The following MTSS1 variants were observed in gnomAD, a reference collection of about 807,000 sequenced individuals.
MTSS1 encodes MTSS I-BAR domain containing 1.
MTSS1 carries 18 observed loss-of-function variants against 79.0 expected under a neutral mutation model. The ratio of observed to expected loss-of-function variants is 0.23; its 90% CI spans 0.16 to 0.34. The LOEUF (loss-of-function observed/expected upper bound fraction) is 0.34. Among genes scored for constraint, MTSS1 ranks in the 10% least tolerant of loss-of-function variants. The pLI is 1.00. For synonymous variants in MTSS1, 341 were observed against 368.6 expected (o/e 0.93, Z 0.86); for missense variants, 815 against 986.2 (o/e 0.83, Z 2.33).
At chr8:124,715,530 C>A (rs1352876682) in intron 1 of MTSS1, among the ~76,000 whole-genome samples, 1 of 152,100 alleles carries the variant, frequency 6.6e-6, no homozygotes, top group Non-Finnish European at 1.5e-5. Context: ...CCATCTTCCA[C>A]GAAGCAGATT....
At chr8:124,557,902 G>A (rs1824331481) in intron 10 of MTSS1, 27 bp from the exon 11 acceptor site, 4 of 1,514,290 alleles carry the variant, frequency 2.6e-6, no homozygotes, top group African/African-American at 2.8e-5. Flanking sequence ...AAAGGGGGGG[G>A]GAAGGAAAAA....
intron 10 of MTSS1, among the ~76,000 whole-genome samples, chr8:124,559,688 C>A (rs951696471): frequency 1.3e-5 from 2 of 152,198 alleles, no homozygotes; most frequent in Admixed American, 6.5e-5. Context: ...ACCCAAGTTT[C>A]TTCTAGTTCT....
chr8:124,572,732 T>TC (rs1422088569), intron 6 of MTSS1, among the ~76,000 whole-genome samples: 2 of 140,192 alleles, frequency 1.4e-5, no homozygotes, highest in African/African-American at 5.6e-5. Context: ...CTACTTTCTT[T>TC]CTTTTCTTTT....
chr8:124,656,664 A>G (rs111230104), intron 3 of MTSS1, among the ~76,000 whole-genome samples: 21,983 of 151,192 alleles, frequency 0.15, 2,516 homozygotes, highest in African/African-American at 0.32. Context: ...TGCAGTCCCA[A>G]CTACTCAGGA....
intron 6 of MTSS1, among the ~76,000 whole-genome samples, chr8:124,569,635 T>C (rs1300533296): frequency 2.6e-5 from 4 of 152,220 alleles, no homozygotes; most frequent in Non-Finnish European, 4.4e-5. Context: ...AGATACTTCC[T>C]AAACTTCTTC....
chr8:124,611,211 C>G (rs1835760748), intron 3 of MTSS1, among the ~76,000 whole-genome samples: 1 of 151,572 alleles, frequency 6.6e-6, no homozygotes, highest in Non-Finnish European at 1.5e-5. Context: ...GACAAATGCA[C>G]ATGGATTCTT....
At chr8:124,684,346 A>C (rs757884100) in intron 3 of MTSS1, among the ~76,000 whole-genome samples, 8 of 152,234 alleles carry the variant, frequency 5.3e-5, no homozygotes, top group Non-Finnish European at 7.3e-5. Flanking sequence ...TAAAGGCTCA[A>C]CTATGCCTAA....
chr8:124,568,424 T>C lies in MTSS1; in HGVS notation c.573A>G (p.Glu191=), dbSNP rs756279985. ...KQAVRKALIE[E]RGRFCTFISM... is the part of the protein sequence containing the mutation. ...AGATGAAGGTACAGAATCGGCCACGTTCTTCAATCAAAGCCTTCCGGACAG... is the reference window on the plus strand; with the variant it reads ...AGATGAAGGTACAGAATCGGCCACGCTCTTCAATCAAAGCCTTCCGGACAG... The change falls in exon 7 of 14, where the codon GAA becomes GAG. Residue 191 remains glutamate (E), a synonymous_variant. Coordinates refer to ENST00000518547, the MANE Select transcript of MTSS1 (RefSeq NM_014751.6). 1.2e-6 allele frequency: 2 copies of C among 1,614,198 alleles called. No homozygotes were observed. The highest frequency in any genetic ancestry group is 1.7e-6 in the Non-Finnish European group (2 of 1,180,028).
intron 3 of MTSS1, among the ~76,000 whole-genome samples, chr8:124,623,945 G>A (rs867221078): frequency 4.6e-5 from 7 of 152,196 alleles, no homozygotes; most frequent in Non-Finnish European, 8.8e-5. Flanking sequence ...TGCGGGGCCC[G>A]CGCTAAGCAC....
intron 3 of MTSS1, among the ~76,000 whole-genome samples, chr8:124,692,439 G>A (rs186056275): frequency 7.9e-5 from 12 of 152,236 alleles, no homozygotes; most frequent in African/African-American, 2.9e-4. Context: ...AGAGTTCTGG[G>A]CTTGAACACC....
At chr8:124,557,522 T>C (rs1054697564) in intron 11 of MTSS1, among the ~76,000 whole-genome samples, 159 bp downstream of exon 11, 3 of 151,932 alleles carry the variant, frequency 2.0e-5, no homozygotes, top group Admixed American at 6.6e-5. Flanking sequence ...TTTCTGCTTC[T>C]CCCCCAATGG....
intron 3 of MTSS1, among the ~76,000 whole-genome samples, chr8:124,631,574 C>T (rs1159230200): frequency 6.6e-6 from 1 of 152,212 alleles, no homozygotes; most frequent in African/African-American, 2.4e-5. Context: ...CCCTGCCCCT[C>T]ATCTCATCCT....
At chr8:124,667,511 G>T (rs376648119) in intron 3 of MTSS1, among the ~76,000 whole-genome samples, 2 of 152,124 alleles carry the variant, frequency 1.3e-5, no homozygotes, top group South Asian at 4.2e-4. Context: ...GGGCATGGTG[G>T]TGCATGCCTG....
intron 3 of MTSS1, among the ~76,000 whole-genome samples, chr8:124,614,517 C>A (rs942431827): frequency 1.3e-5 from 2 of 152,216 alleles, no homozygotes; most frequent in Non-Finnish European, 2.9e-5. Context: ...GCAGAGCCAC[C>A]AGCAAAGGCC....
chr8:124,668,564 CAAGGT>C, intron 3 of MTSS1, among the ~76,000 whole-genome samples: 1 of 152,164 alleles, frequency 6.6e-6, no homozygotes, highest in Non-Finnish European at 1.5e-5. Flanking sequence ...AACAGACCTA[CAAGGT>C]CAACTTAGCA....
intron 3 of MTSS1, among the ~76,000 whole-genome samples, chr8:124,648,528 G>C (rs768611513): frequency 6.6e-6 from 1 of 152,080 alleles, no homozygotes; most frequent in Non-Finnish European, 1.5e-5. Context: ...TTAGTAGAGG[G>C]ATAAAGCCAG....
chr8:124,663,432 T>C (rs1194779958), intron 3 of MTSS1, among the ~76,000 whole-genome samples: 2 of 151,874 alleles, frequency 1.3e-5, no homozygotes, highest in East Asian at 3.9e-4. Context: ...TCCCCCTTCC[T>C]CAAATCGGAA....
intron 3 of MTSS1, among the ~76,000 whole-genome samples, chr8:124,618,294 C>T (rs900953328): frequency 2.6e-5 from 4 of 152,170 alleles, no homozygotes; most frequent in African/African-American, 9.7e-5. Flanking sequence ...CAGGCAGCCA[C>T]CCTCTACATA....
intron 3 of MTSS1, among the ~76,000 whole-genome samples, chr8:124,667,416 G>A (rs924835881): frequency 4.0e-5 from 6 of 151,790 alleles, no homozygotes; most frequent in African/African-American, 1.5e-4. Flanking sequence ...AGGCCGAGGC[G>A]GGTGGATCAC....
Sources: allele counts gnomAD v4.1 joint callset (sites outside exome capture counted in the v4.1 genomes callset), GRCh38; gene constraint gnomAD v4.1.1; transcripts MANE v1.5; gene names NCBI Gene and HGNC (gene_info 2026-07-23, HGNC 2026-07-21).